The following CCBE1 variants were observed in gnomAD, a reference collection of about 807,000 sequenced individuals.
The protein encoded by CCBE1 is collagen and calcium binding EGF domains 1.
CCBE1 carries 37 observed loss-of-function variants against 50.0 expected under a neutral mutation model. The ratio of observed to expected loss-of-function variants is 0.74; its 90% CI spans 0.57 to 0.97. CCBE1 has a LOEUF of 0.97. CCBE1 is among the 50% of genes least tolerant of loss of function. The pLI is 0.00. For synonymous variants in CCBE1, 234 were observed against 203.7 expected (o/e 1.15, Z -1.27); for missense variants, 538 against 523.8 (o/e 1.03, Z -0.26).
At chr18:59,519,166 C>A (rs1366924691) in intron 2 of CCBE1, among the ~76,000 whole-genome samples, 1 of 152,206 alleles carries the variant, frequency 6.6e-6, no homozygotes, top group East Asian at 1.9e-4. Flanking sequence ...TGAGAGCAGG[C>A]CAGTGGCAGA....
At chr18:59,697,114 C>T (rs2054818564) in intron 1 of CCBE1, 98 bp downstream of exon 1, 4 of 1,484,538 alleles carry the variant, frequency 2.7e-6, no homozygotes, top group African/African-American at 2.8e-5. Flanking sequence ...GCGTGCGGAT[C>T]GCTGTGGGAG....
chr18:59,652,564 T>C (rs2054139616), intron 2 of CCBE1, among the ~76,000 whole-genome samples: 1 of 152,110 alleles, frequency 6.6e-6, no homozygotes, highest in African/African-American at 2.4e-5. Flanking sequence ...TAACATTTTA[T>C]AACAATGAAG....
At position 59,454,909 on chromosome 18, in the gene CCBE1, C is replaced by T. The variant is rs748817434; in HGVS notation, c.596G>A (p.Cys199Tyr). Reference sequence around the variant, plus strand: ...CTGGTAGAACTCCTTGCATGTGGCACAGCAAGTTCCGGCTTTCACCATGTT... The same window carrying T: ...CTGGTAGAACTCCTTGCATGTGGCATAGCAAGTTCCGGCTTTCACCATGTT... The part of the protein sequence containing the change: ...SENMVKAGTC[C>Y]ATCKEFYQMK... Residue 199 changes from cysteine to tyrosine, a missense_variant, in exon 6 of 11, where the codon TGT (cysteine) becomes TAT (tyrosine). Physicochemically the swap from Cys to Tyr is radical, Grantham distance 194. Transcript: ENST00000439986. 31 of 1,614,098 alleles carry T rather than the reference C, an allele frequency of 1.9e-5. No individual in the cohort carries two copies. Among genetic ancestry groups the T allele is most frequent in the Non-Finnish European group, 2.5e-5 (29 of 1,180,044 alleles).
intron 5 of CCBE1, among the ~76,000 whole-genome samples, chr18:59,458,491 T>C (rs1034095650): frequency 2.0e-5 from 3 of 152,232 alleles, no homozygotes; most frequent in African/African-American, 7.2e-5. Flanking sequence ...ATTCAACAGC[T>C]TCATGATAAG....
intron 2 of CCBE1, among the ~76,000 whole-genome samples, chr18:59,491,046 A>G (rs1913074788): frequency 6.6e-6 from 1 of 152,242 alleles, no homozygotes; most frequent in Non-Finnish European, 1.5e-5. Context: ...TGTGGGATCC[A>G]ACACCCAAAG....
intron 2 of CCBE1, among the ~76,000 whole-genome samples, chr18:59,600,771 T>C (rs1026834364): frequency 2.6e-5 from 4 of 152,166 alleles, no homozygotes; most frequent in Admixed American, 1.3e-4. Context: ...CTCCCTCTCT[T>C]TCCTCATGTA....
intron 2 of CCBE1, among the ~76,000 whole-genome samples, chr18:59,600,660 C>G (rs1349953688): frequency 6.6e-6 from 1 of 152,128 alleles, no homozygotes; most frequent in Non-Finnish European, 1.5e-5. Flanking sequence ...ACTAAATTTC[C>G]TCTCTCAAAG....
At chr18:59,672,729 T>G (rs1417115678) in intron 2 of CCBE1, among the ~76,000 whole-genome samples, 1 of 152,218 alleles carries the variant, frequency 6.6e-6, no homozygotes, top group Non-Finnish European at 1.5e-5. Context: ...TTTTTTAGGC[T>G]ACTAAGTGTT....
intron 2 of CCBE1, among the ~76,000 whole-genome samples, chr18:59,638,442 C>T (rs144801090): frequency 1.1e-3 from 160 of 152,042 alleles, no homozygotes; most frequent in South Asian, 2.3e-3. Context: ...GCATCAGCAC[C>T]ACTAGAGAAC....
At chr18:59,566,922 A>C (rs1381534066) in intron 2 of CCBE1, among the ~76,000 whole-genome samples, 1 of 152,178 alleles carries the variant, frequency 6.6e-6, no homozygotes, top group Non-Finnish European at 1.5e-5. Flanking sequence ...TGAAATGAAC[A>C]ATTAAGATAA....
chr18:59,651,103 G>A (rs2054121412), intron 2 of CCBE1, among the ~76,000 whole-genome samples: 1 of 152,178 alleles, frequency 6.6e-6, no homozygotes, highest in Admixed American at 6.5e-5. Context: ...AAATTGTGAT[G>A]ACTTTTTACC....
In CCBE1 at chr18:59,510,486, A is replaced by G. The variant is rs140953808; in HGVS notation, c.213-30248T>C. On this transcript the variant is annotated intron_variant, in intron 2 of 10. Transcript: ENST00000439986. ...ACCCAGACTGGAGGGCAATGGCGTG[A>G]TCTCAGCTCACTGCAACCTCTGCCT... Among the ~76,000 whole-genome samples the G allele has an allele frequency of 4.3e-3, 653 of 152,024 alleles. 3 individuals are homozygous for G. Among genetic ancestry groups the G allele is most frequent in the Middle Eastern group, 0.01 (3 of 294 alleles).
intron 2 of CCBE1, among the ~76,000 whole-genome samples, chr18:59,593,120 A>G (rs932970623): frequency 2.2e-4 from 34 of 152,186 alleles, no homozygotes; most frequent in African/African-American, 8.2e-4. Flanking sequence ...CTGAAAAGTT[A>G]TATTTATTGT....
In CCBE1 at chr18:59,471,042, GC is replaced by G. The variant is rs753120720; in HGVS notation, c.266-1436del. ...CCCCACTTGGCATCGCCTCTAGGCAGCCAAGGTTCTGTGCTCTTTTTGTTGG... is the reference window on the plus strand; with the variant it reads ...CCCCACTTGGCATCGCCTCTAGGCAGCAAGGTTCTGTGCTCTTTTTGTTGG... On this transcript the variant is annotated intron_variant, in intron 3 of 10. Coordinates refer to ENST00000439986, the MANE Select transcript of CCBE1 (RefSeq NM_133459.4). Among the ~76,000 whole-genome samples, 30 of 152,364 alleles carry G rather than the reference GC, an allele frequency of 2.0e-4. No homozygotes were observed. The East Asian group carries it at 5.0e-3, about 25-fold the overall frequency.
chr18:59,683,146 C>T (rs2054614548), intron 2 of CCBE1, among the ~76,000 whole-genome samples: 1 of 152,172 alleles, frequency 6.6e-6, no homozygotes, highest in Admixed American at 6.5e-5. Flanking sequence ...GATCCAAACC[C>T]CTGAATATTA....
chr18:59,696,880 A>G (rs2054814081), intron 1 of CCBE1, among the ~76,000 whole-genome samples, 171 bp from the exon 2 acceptor site: 1 of 152,140 alleles, frequency 6.6e-6, no homozygotes. Flanking sequence ...CACAGGGACG[A>G]GCCACGCGAG....
chr18:59,679,200 G>A (rs1256863883), intron 2 of CCBE1, among the ~76,000 whole-genome samples: 1 of 152,142 alleles, frequency 6.6e-6, no homozygotes, highest in Non-Finnish European at 1.5e-5. Context: ...CTAGTGGACA[G>A]GACAGTATTT....
chr18:59,689,259 A>T (rs1393914212), intron 2 of CCBE1, among the ~76,000 whole-genome samples: 1 of 152,160 alleles, frequency 6.6e-6, no homozygotes, highest in Non-Finnish European at 1.5e-5. Context: ...TCATTCCCAG[A>T]GGGCCAAGGA....
rs568321540 is a variant in CCBE1, at chr18:59,635,220, T to C, written c.212+61409A>G. 2.0e-5 allele frequency among the ~76,000 whole-genome samples: 3 copies of C among 152,346 alleles called. No homozygotes were observed. The South Asian group carries it at 6.2e-4, about 32-fold the overall frequency. ...ACAATGAAATCATAGCTTCGAAGTA[T>C]TGATGGGAAGCCCCTAGCAATCTAG... is the stretch of plus-strand genomic sequence containing the variant. On this transcript the variant is annotated intron_variant, in intron 2 of 10. Transcript: ENST00000439986.
Sources: gnomAD v4.1 joint callset for allele counts (sites outside exome capture counted in the v4.1 genomes callset) on GRCh38, gnomAD v4.1.1 for gene constraint, MANE v1.5 for transcripts, NCBI Gene and HGNC (gene_info 2026-07-23, HGNC 2026-07-21) for gene names.